GDI2: variants seen among roughly 807,000 people sequenced by gnomAD.
GDI2 encodes GDP dissociation inhibitor 2, also known as rab GDP dissociation inhibitor beta.
GDI2 carries 22 observed loss-of-function variants against 54.2 expected under a neutral mutation model. The observed-to-expected ratio is 0.41, with a 90% CI of 0.29 to 0.58. The LOEUF (loss-of-function observed/expected upper bound fraction) is 0.58, where lower values mean the gene tolerates loss of function less well. Ranked by LOEUF, GDI2 falls within the 20% of genes least tolerant of loss-of-function variation. The pLI is 0.35. For missense variants in GDI2, 422 were observed against 546.0 expected, an observed-to-expected ratio of 0.77 and a Z score of 2.26; for synonymous variants, 177 against 182.1, an observed-to-expected ratio of 0.97 and a Z score of 0.23.
At position 5,765,827 on chromosome 10, in the gene GDI2, T is replaced by G. The variant is rs186526022; in HGVS notation, c.*179A>C. On this transcript the variant is annotated 3_prime_UTR_variant, in exon 11 of 11. Transcript: ENST00000380191. ...GAATGTGGTAACTGCCAATGCTGAATAGCCACTCCATGAAAACAAGTTAAT... is the reference window on the plus strand; with the variant it reads ...GAATGTGGTAACTGCCAATGCTGAAGAGCCACTCCATGAAAACAAGTTAAT... 1.9e-6 allele frequency: 1 copy of G among 537,256 alleles called. No homozygotes were observed. The highest frequency in any genetic ancestry group is 2.0e-5 in the African/African-American group (1 of 49,606). 33.3% of individuals were successfully genotyped at this position (537,256 alleles called of 1,614,324 possible).
rs187239525 is a variant in GDI2 at position 5,802,152 on chromosome 10, G to A, written c.46-1447C>T. Among the ~76,000 whole-genome samples the A allele has an allele frequency of 1.2e-4, 18 of 152,188 alleles. No individual in the cohort carries two copies. The East Asian group carries it at 2.1e-3, about 18-fold the overall frequency. ...CACTGATCTGTAAGCTGAACTAGCC[G>A]CTTTTTTTTATGAATAATCATTTTT... On this transcript the variant is annotated intron_variant, in intron 1 of 10. Coordinates refer to ENST00000380191, the MANE Select transcript of GDI2 (RefSeq NM_001494.4).
intron 4 of GDI2, 115 bp from the exon 5 acceptor site, chr10:5,786,165 A>ATTTTTTTTTTTTTTTTTTTTTT (rs35328258): frequency 6.0e-6 from 2 of 332,572 alleles, no homozygotes. Flanking sequence ...GCAGGATGCA[A>ATTTTTTTTTTTTTTTTTTTTTT]TTTTTTTTTT....
chr10:5,786,562 G>A (rs943707796), intron 4 of GDI2, among the ~76,000 whole-genome samples: 2 of 151,844 alleles, frequency 1.3e-5, no homozygotes, highest in African/African-American at 4.8e-5. Flanking sequence ...TACTTATAAA[G>A]TCTTCAATTC....
intron 1 of GDI2, among the ~76,000 whole-genome samples, chr10:5,809,873 T>C (rs1841453192): frequency 6.6e-6 from 1 of 152,248 alleles, no homozygotes; most frequent in Non-Finnish European, 1.5e-5. Context: ...TGCTAAAATA[T>C]GTCTAATTTC....
intron 6 of GDI2, among the ~76,000 whole-genome samples, chr10:5,782,359 A>T (rs1191742876): frequency 6.6e-6 from 1 of 152,244 alleles, no homozygotes; most frequent in Non-Finnish European, 1.5e-5. Context: ...GAACTCTCAT[A>T]CACTGCTGAG....
intron 4 of GDI2, among the ~76,000 whole-genome samples, chr10:5,794,260 A>C (rs1420104446): frequency 2.2e-5 from 3 of 136,298 alleles, no homozygotes; most frequent in African/African-American, 5.5e-5. Flanking sequence ...CCTAAAATCA[A>C]AGATATTGGG....
chr10:5,805,363 TAAAAAA>T lies in GDI2; in HGVS notation c.46-4664_46-4659del, dbSNP rs33941987. On this transcript the variant is annotated intron_variant, in intron 1 of 10. Transcript: ENST00000380191. Reference sequence around the variant, plus strand: ...AGGTTGGATCTGAGAATTTGCTCTTTAAAAAAAAAAAAAAAAAAAAAAAGGTTGGCA... The same window carrying T: ...AGGTTGGATCTGAGAATTTGCTCTTTAAAAAAAAAAAAAAAAAGGTTGGCA... Among the ~76,000 whole-genome samples, 216 of 105,900 alleles carry T rather than the reference TAAAAAA, an allele frequency of 2.0e-3. 1 individual carries two copies. Among genetic ancestry groups the T allele is most frequent in the African/African-American group, 7.0e-3 (197 of 28,102 alleles). The allele number at this position is 105,900 out of a possible 152,430, so 69.5% of individuals were successfully genotyped here.
At chr10:5,795,249 G>A (rs572085486) in intron 3 of GDI2, among the ~76,000 whole-genome samples, 38 of 152,136 alleles carry the variant, frequency 2.5e-4, no homozygotes, top group Middle Eastern at 3.4e-3. Context: ...CCAGCCTGAC[G>A]CTCCTGAGTA....
chr10:5,782,012 C>CA (rs200959423), intron 6 of GDI2, among the ~76,000 whole-genome samples: 203 of 150,564 alleles, frequency 1.3e-3, no homozygotes, highest in African/African-American at 4.5e-3. Flanking sequence ...GACTCTATCT[C>CA]AAAAAAAAAG....
chr10:5,771,397 T>A (rs1019463079), intron 7 of GDI2, among the ~76,000 whole-genome samples: 36 of 152,214 alleles, frequency 2.4e-4, no homozygotes, highest in African/African-American at 7.0e-4. Context: ...CATTTTTGCT[T>A]ATTTGTGGTG....
chr10:5,774,681 G>A lies in GDI2; in HGVS notation c.720-740C>T, dbSNP rs891278253. Among the ~76,000 whole-genome samples, 1 of 152,164 alleles carries A rather than the reference G, an allele frequency of 6.6e-6. No individual in the cohort carries two copies. The highest frequency in any genetic ancestry group is 1.5e-5 in the Non-Finnish European group (1 of 68,040). On this transcript the variant is annotated intron_variant, in intron 6 of 10. Coordinates refer to ENST00000380191, the MANE Select transcript of GDI2 (RefSeq NM_001494.4). This position sits in a 1 kb window ranked among gnomAD's most constrained non-coding sequence, Gnocchi z 4.8. Reference sequence around the variant, plus strand: ...ACACTAATGGCCCTCCTGGACAGGAGGCTCGTGAGTGTGGTGAGGCTAAAG... The same window carrying A: ...ACACTAATGGCCCTCCTGGACAGGAAGCTCGTGAGTGTGGTGAGGCTAAAG...
rs755344237 is a variant in GDI2 at position 5,813,265 on chromosome 10, G to T, written c.-7C>A. The T allele has an allele frequency of 8.9e-6, 14 of 1,573,166 alleles. 1 individual carries two copies. In the South Asian group the frequency reaches 1.6e-4, roughly 18 times the overall value. On this transcript the variant is annotated 5_prime_UTR_variant, in exon 1 of 11. Coordinates refer to ENST00000380191, the MANE Select transcript of GDI2 (RefSeq NM_001494.4). The stretch of plus-strand genomic sequence containing the variant: ...CGTCGTACTCCTCATTCATGGCGGG[G>T]CAGGCGCGGACGCAGGACCCGAGCA...
At chr10:5,769,393 G>A (rs573206691) in intron 7 of GDI2, 1 of 151,636 alleles carries the variant, frequency 6.6e-6, no homozygotes, top group Non-Finnish European at 1.5e-5. Context: ...CCAACATGGA[G>A]ATACCTCGTC....
chr10:5,796,901 A>T, intron 2 of GDI2, 39 bp from the exon 3 acceptor site: 3 of 1,019,556 alleles, frequency 2.9e-6, no homozygotes, highest in Non-Finnish European at 4.6e-6. Context: ...TGTTAACAAA[A>T]TTTAATTTTT....
intron 1 of GDI2, among the ~76,000 whole-genome samples, chr10:5,806,558 T>C (rs1588990324): frequency 6.6e-6 from 1 of 152,296 alleles, no homozygotes; most frequent in South Asian, 2.1e-4. Flanking sequence ...ATAAATCCTT[T>C]ATTAGTTACA....
chr10:5,800,790 T>C (rs1344604957), intron 1 of GDI2, 85 bp from the exon 2 acceptor site: 2 of 769,032 alleles, frequency 2.6e-6, no homozygotes, highest in Non-Finnish European at 2.4e-6. Flanking sequence ...CCATTACACA[T>C]TCTCTTAGTA....
chr10:5,786,363 G>A (rs1840880302), intron 4 of GDI2, among the ~76,000 whole-genome samples: 1 of 151,860 alleles, frequency 6.6e-6, no homozygotes, highest in African/African-American at 2.4e-5. Flanking sequence ...TAGAAACAAG[G>A]TTTCACCATG....
chr10:5,786,151 G>A (rs1442806337), intron 4 of GDI2, 101 bp from the exon 5 acceptor site: 3 of 659,448 alleles, frequency 4.5e-6, no homozygotes, highest in Admixed American at 2.7e-5. Flanking sequence ...ATCAACTGCG[G>A]AATGCAGGAT....
At position 5,774,525 on chromosome 10, in the gene GDI2, T is replaced by C. The variant is rs1438846424; in HGVS notation, c.720-584A>G. Among the ~76,000 whole-genome samples the C allele has an allele frequency of 1.3e-5, 2 of 152,208 alleles. No individual in the cohort carries two copies. The highest frequency in any genetic ancestry group is 3.9e-4 in the East Asian group (2 of 5,160). ...CCATACACGGTTTTCTTCTCCCCTT[T>C]CCACTCTCCCGCTTGCTAACCAATC... On this transcript the variant is annotated intron_variant, in intron 6 of 10. Transcript: ENST00000380191. The surrounding 1 kb of genome is among the most constrained non-coding windows in gnomAD (Gnocchi z 4.8).
Sources: allele counts gnomAD v4.1 joint callset (sites outside exome capture counted in the v4.1 genomes callset), GRCh38; gene constraint gnomAD v4.1.1; non-coding constraint Gnocchi (gnomAD v3.1); transcripts MANE v1.5; gene names NCBI Gene and HGNC (gene_info 2026-07-23, HGNC 2026-07-21).